The following OPHN1 variants were observed in gnomAD, a reference collection of about 807,000 sequenced individuals.
OPHN1 encodes oligophrenin-1.
In OPHN1, 11 loss-of-function variants were observed where a neutral mutation model predicts 60.7. The ratio of observed to expected loss-of-function variants is 0.18; its 90% CI spans 0.11 to 0.30. The LOEUF is 0.30. Among genes scored for constraint, OPHN1 ranks in the 10% least tolerant of loss-of-function variants. The pLI is 1.00. For synonymous variants in OPHN1, 226 were observed against 222.6 expected, an observed-to-expected ratio of 1.02 and a Z score of -0.14; for missense variants, 449 against 611.0, an observed-to-expected ratio of 0.73 and a Z score of 2.80.
intron 22 of OPHN1, among the ~76,000 whole-genome samples, chrX:68,053,141 C>T (rs1331625384): frequency 9.0e-6 from 1 of 111,404 alleles, no homozygotes; most frequent in Non-Finnish European, 1.9e-5. Flanking sequence ...TGCGGCCCAG[C>T]CTCAGGAAGG....
At chrX:68,395,483 T>G (rs1430313506) in intron 2 of OPHN1, among the ~76,000 whole-genome samples, 7 of 106,633 alleles carry the variant, frequency 6.6e-5, no homozygotes, top group Non-Finnish European at 9.7e-5. Context: ...GTTTCACTCT[T>G]ATCACCCAGG....
intron 19 of OPHN1, among the ~76,000 whole-genome samples, chrX:68,079,761 G>T (rs2147379511): frequency 9.0e-6 from 1 of 111,720 alleles, no homozygotes; most frequent in South Asian, 3.8e-4. Flanking sequence ...AACATTTCTA[G>T]AATTAAACAC....
chrX:68,208,930 A>G (rs139425870), intron 9 of OPHN1, among the ~76,000 whole-genome samples: 1 of 112,563 alleles, frequency 8.9e-6, no homozygotes, highest in Non-Finnish European at 1.9e-5. Context: ...AGATCGAGAA[A>G]TTGTGCGACA....
intron 6 of OPHN1, among the ~76,000 whole-genome samples, chrX:68,233,862 TA>T (rs779706452): frequency 2.7e-5 from 3 of 111,027 alleles, no homozygotes; most frequent in South Asian, 3.8e-4. Flanking sequence ...TTAAAGTATG[TA>T]AAAAAAATCT....
intron 2 of OPHN1, among the ~76,000 whole-genome samples, chrX:68,330,597 G>A (rs1395110985): frequency 1.8e-5 from 2 of 109,438 alleles, no homozygotes; most frequent in Non-Finnish European, 3.8e-5. Context: ...CCAGGCGTTC[G>A]AGCCCAACCT....
At chrX:68,203,797 C>A (rs187642272) in intron 10 of OPHN1, among the ~76,000 whole-genome samples, 2 of 112,144 alleles carry the variant, frequency 1.8e-5, no homozygotes, top group Admixed American at 9.5e-5. Context: ...CCCAAAATGA[C>A]CTTGTCTATC....
intron 15 of OPHN1, among the ~76,000 whole-genome samples, chrX:68,178,764 T>C (rs1256237473): frequency 1.8e-5 from 2 of 112,075 alleles, no homozygotes; most frequent in Non-Finnish European, 3.8e-5. Context: ...AAATTCCAAA[T>C]TGTTTTTGTC....
rs1424545372 is a variant in OPHN1 at position 68,388,637 on chromosome X, T to G, written c.154+44230A>C. Among the ~76,000 whole-genome samples, 3 of 110,681 alleles carry G rather than the reference T, an allele frequency of 2.7e-5. No homozygotes were observed. In the East Asian group the frequency reaches 8.6e-4, roughly 32 times the overall value. On this transcript the variant is annotated intron_variant, in intron 2 of 24. Transcript: ENST00000355520. ...CTGAGGCAATTTTATAGTATAAAAA[T>G]AGTGTTTAATGCTAAAGTATTCACA...
At chrX:68,173,660 A>G (rs1215771559) in intron 15 of OPHN1, among the ~76,000 whole-genome samples, 2 of 110,610 alleles carry the variant, frequency 1.8e-5, no homozygotes, top group African/African-American at 6.6e-5. Flanking sequence ...GCAAGACCAA[A>G]TTAGAAAAAA....
intron 2 of OPHN1, among the ~76,000 whole-genome samples, chrX:68,386,343 T>A (rs1396045135): frequency 8.9e-6 from 1 of 112,024 alleles, no homozygotes; most frequent in Non-Finnish European, 1.9e-5. Context: ...TGGACACAAT[T>A]TATGATAACT....
intron 2 of OPHN1, among the ~76,000 whole-genome samples, chrX:68,423,240 T>C (rs1477196954): frequency 9.0e-6 from 1 of 110,953 alleles, no homozygotes; most frequent in Non-Finnish European, 1.9e-5. Flanking sequence ...TTAGCCAGGA[T>C]GGTCTCTATC....
At chrX:68,100,262 TACACGCACAC>T (rs1305007496) in intron 18 of OPHN1, among the ~76,000 whole-genome samples, 1 of 109,309 alleles carries the variant, frequency 9.1e-6, no homozygotes, top group African/African-American at 3.3e-5. Context: ...CATACATACA[TACACGCACAC>T]ACACGCACAC....
chrX:68,056,840 C>A (rs926051040), intron 21 of OPHN1, among the ~76,000 whole-genome samples: 2 of 111,517 alleles, frequency 1.8e-5, no homozygotes, highest in African/African-American at 3.3e-5. Flanking sequence ...TCCACACCCA[C>A]TGCCTTTCCA....
intron 5 of OPHN1, among the ~76,000 whole-genome samples, chrX:68,254,728 C>T (rs1028265817): frequency 6.3e-5 from 7 of 110,633 alleles, no homozygotes; most frequent in African/African-American, 2.3e-4. Flanking sequence ...TGAAAAGAGC[C>T]CTTTATGGCT....
At chrX:68,201,561 AC>A in intron 11 of OPHN1, 57 bp downstream of exon 11, 1 of 962,468 alleles carries the variant, frequency 1.0e-6, no homozygotes, top group Non-Finnish European at 1.5e-6. Flanking sequence ...TAAAAGACCT[AC>A]CCAGGCTAAG....
chrX:68,206,158 G>A (rs771140377), intron 10 of OPHN1, among the ~76,000 whole-genome samples: 1 of 111,572 alleles, frequency 9.0e-6, no homozygotes, highest in South Asian at 3.7e-4. Context: ...TACATAGAAT[G>A]TGAGTATCGG....
intron 3 of OPHN1, among the ~76,000 whole-genome samples, chrX:68,292,975 T>C (rs1424103538): frequency 1.8e-5 from 2 of 112,041 alleles, no homozygotes; most frequent in African/African-American, 3.2e-5. Flanking sequence ...ATAATCAATA[T>C]TGTGAACAAT....
chrX:68,171,828 G>GAT (rs2077393184), intron 15 of OPHN1, among the ~76,000 whole-genome samples: 1 of 111,765 alleles, frequency 8.9e-6, no homozygotes, highest in Non-Finnish European at 1.9e-5. Context: ...CATAAAAGAA[G>GAT]ATATATATAT....
chrX:68,207,367 G>A (rs556550653), intron 9 of OPHN1, among the ~76,000 whole-genome samples: 5 of 110,218 alleles, frequency 4.5e-5, no homozygotes, highest in African/African-American at 9.9e-5. Flanking sequence ...TCCTGACCTC[G>A]TGATCTGCAT....
Sources: allele counts gnomAD v4.1 joint callset (sites outside exome capture counted in the v4.1 genomes callset), GRCh38; gene constraint gnomAD v4.1.1; transcripts MANE v1.5; gene names NCBI Gene and HGNC (gene_info 2026-07-23, HGNC 2026-07-21).